INPP4B: variants seen among roughly 807,000 people sequenced by gnomAD.
INPP4B encodes inositol polyphosphate-4-phosphatase type II B.
INPP4B carries 55 observed loss-of-function variants against 122.5 expected under a neutral mutation model. That is an observed-to-expected ratio of 0.45 (90% confidence interval 0.36 to 0.56). The LOEUF (loss-of-function observed/expected upper bound fraction) is 0.56. Among genes scored for constraint, INPP4B ranks in the 20% least tolerant of loss-of-function variants. The pLI is 0.00. For missense variants in INPP4B, 1,000 were observed against 1,097.7 expected (o/e 0.91, Z 1.26); for synonymous variants, 403 against 388.7 (o/e 1.04, Z -0.43).
At chr4:142,067,068 C>T (rs760410323) in intron 25 of INPP4B, among the ~76,000 whole-genome samples, 1 of 152,182 alleles carries the variant, frequency 6.6e-6, no homozygotes, top group Non-Finnish European at 1.5e-5. Flanking sequence ...TGGGAGACAC[C>T]TCCCAGTAGG....
At position 142,153,864 on chromosome 4, in the gene INPP4B, C is replaced by T. The variant is rs529565122; in HGVS notation, c.1563+6494G>A. 2.0e-5 allele frequency among the ~76,000 whole-genome samples: 3 copies of T among 152,280 alleles called. No individual in the cohort carries two copies. The East Asian group carries it at 5.8e-4, about 29-fold the overall frequency. On this transcript the variant is annotated intron_variant, in intron 17 of 25. Transcript: ENST00000262992. ...TGGCAAGATTTCATGAATATGCATG[C>T]ACATAAAGATTTCACCTGGGGTTTC...
intron 2 of INPP4B, among the ~76,000 whole-genome samples, chr4:142,655,142 C>T (rs980253855): frequency 6.6e-6 from 1 of 151,964 alleles, no homozygotes; most frequent in Non-Finnish European, 1.5e-5. Flanking sequence ...TAACATTCTT[C>T]AAAAAACAAC....
At chr4:142,458,263 G>A (rs1169739720) in intron 3 of INPP4B, among the ~76,000 whole-genome samples, 1 of 152,142 alleles carries the variant, frequency 6.6e-6, no homozygotes, top group East Asian at 1.9e-4. Context: ...AAAAAGTCCA[G>A]TAAGTAAGCA....
intron 5 of INPP4B, among the ~76,000 whole-genome samples, chr4:142,407,692 C>A (rs1184566130): frequency 6.6e-6 from 1 of 151,926 alleles, no homozygotes; most frequent in African/African-American, 2.4e-5. Flanking sequence ...TTTACTGTAC[C>A]CTAAGTCTTA....
rs76256635 is a variant in INPP4B, at chr4:142,202,689, T to G, written c.1072+5736A>C. On this transcript the variant is annotated intron_variant, in intron 14 of 25. Coordinates refer to ENST00000262992, the MANE Select transcript of INPP4B (RefSeq NM_001101669.3). ...GGACCTGATTTCACCTACAGCTTTA[T>G]GATATAAACTCATTTTTTAAAACAT... 6.8e-3 allele frequency: 6,550 copies of G among 959,006 alleles called. 300 individuals are homozygous for G. In the African/African-American group the frequency reaches 0.1, roughly 15 times the overall value. The allele number at this position is 959,006 out of a possible 1,614,324, so 59.4% of individuals were successfully genotyped here.
intron 2 of INPP4B, among the ~76,000 whole-genome samples, chr4:142,543,457 A>G (rs1829170735): frequency 6.6e-6 from 1 of 152,210 alleles, no homozygotes; most frequent in South Asian, 2.1e-4. Flanking sequence ...AATAGGCAGA[A>G]AATGAAACGA....
chr4:142,550,626 T>A (rs1231440574), intron 2 of INPP4B, among the ~76,000 whole-genome samples: 6 of 51,432 alleles, frequency 1.2e-4, no homozygotes, highest in Admixed American at 1.7e-4. Context: ...ATATATTTTT[T>A]TTTTTACTTT....
At chr4:142,125,648 G>T (rs751896750) in intron 18 of INPP4B, among the ~76,000 whole-genome samples, 1 of 151,958 alleles carries the variant, frequency 6.6e-6, no homozygotes, top group Non-Finnish European at 1.5e-5. Flanking sequence ...CTCTTCTCCA[G>T]GAAGTCTTCC....
intron 14 of INPP4B, among the ~76,000 whole-genome samples, chr4:142,207,548 C>T (rs1041881780): frequency 1.3e-5 from 2 of 151,984 alleles, no homozygotes; most frequent in African/African-American, 2.4e-5. Context: ...TGTACTTACC[C>T]TAAAGAATTT....
intron 2 of INPP4B, among the ~76,000 whole-genome samples, chr4:142,693,168 G>A (rs887961358): frequency 3.2e-4 from 48 of 152,128 alleles, no homozygotes; most frequent in Middle Eastern, 3.4e-3. Context: ...TGATCTTCTT[G>A]GCTTTGGGGG....
chr4:142,529,934 G>T (rs1162522055), intron 2 of INPP4B, among the ~76,000 whole-genome samples: 4 of 152,034 alleles, frequency 2.6e-5, no homozygotes, highest in Admixed American at 6.6e-5. Flanking sequence ...ATTTGCAAAG[G>T]TTATAAAGCT....
intron 12 of INPP4B, among the ~76,000 whole-genome samples, chr4:142,235,941 G>C (rs913368801): frequency 1.6e-4 from 24 of 152,220 alleles, no homozygotes; most frequent in African/African-American, 5.1e-4. Flanking sequence ...CTAAGTATTT[G>C]GAATTATAGA....
chr4:142,694,693 G>GA (rs1352259856), intron 2 of INPP4B, among the ~76,000 whole-genome samples: 2 of 152,128 alleles, frequency 1.3e-5, no homozygotes, highest in African/African-American at 4.8e-5. Context: ...GACATTATCT[G>GA]CAGCTTCGTC....
intron 2 of INPP4B, among the ~76,000 whole-genome samples, chr4:142,579,537 T>C (rs545532066): frequency 6.6e-6 from 1 of 152,112 alleles, no homozygotes; most frequent in South Asian, 2.1e-4. Flanking sequence ...GTAAAGCAGA[T>C]TGCCCTTTGT....
At chr4:142,829,675 CA>C (rs1457253156) in intron 1 of INPP4B, among the ~76,000 whole-genome samples, 3 of 152,108 alleles carry the variant, frequency 2.0e-5, no homozygotes, top group Non-Finnish European at 4.4e-5. Context: ...GCAATATCCT[CA>C]AAGTGCTGAA....
chr4:142,703,671 G>T (rs1389331933), intron 2 of INPP4B, among the ~76,000 whole-genome samples: 2 of 152,194 alleles, frequency 1.3e-5, no homozygotes, highest in African/African-American at 4.8e-5. Context: ...CTGAAAGAAT[G>T]AATGTTGCAA....
chr4:142,780,107 A>G (rs1416755055), intron 1 of INPP4B, among the ~76,000 whole-genome samples: 1 of 152,166 alleles, frequency 6.6e-6, no homozygotes, highest in Non-Finnish European at 1.5e-5. Context: ...AACTTCTGCC[A>G]CCTCAATGAC....
At chr4:142,581,526 TATTA>T (rs1443697475) in intron 2 of INPP4B, among the ~76,000 whole-genome samples, 32 of 129,826 alleles carry the variant, frequency 2.5e-4, no homozygotes, top group African/African-American at 9.3e-4. Context: ...CATTTCTATC[TATTA>T]GAAATAGATA....
chr4:142,383,372 A>G (rs1310131166), intron 7 of INPP4B, among the ~76,000 whole-genome samples: 1 of 152,176 alleles, frequency 6.6e-6, no homozygotes, highest in Non-Finnish European at 1.5e-5. Context: ...AAATATTTCT[A>G]TTACAATACC....
Sources: gnomAD v4.1 joint callset for allele counts (sites outside exome capture counted in the v4.1 genomes callset) on GRCh38, gnomAD v4.1.1 for gene constraint, MANE v1.5 for transcripts, NCBI Gene and HGNC (gene_info 2026-07-23, HGNC 2026-07-21) for gene names.